The following NKAIN2 variants were observed in gnomAD, a reference collection of about 807,000 sequenced individuals.
NKAIN2 encodes sodium/potassium transporting ATPase interacting 2.
In NKAIN2, 14 loss-of-function variants were observed where a neutral mutation model predicts 32.6. The observed-to-expected ratio is 0.43, with a 90% CI of 0.28 to 0.67. The LOEUF (loss-of-function observed/expected upper bound fraction) is 0.67. Among genes scored for constraint, NKAIN2 ranks in the 30% least tolerant of loss-of-function variants. The pLI, the probability that NKAIN2 is intolerant of heterozygous loss-of-function variation, is 0.17. For synonymous variants in NKAIN2, 80 were observed against 87.2 expected (o/e 0.92, Z 0.46); for missense variants, 198 against 258.3 (o/e 0.77, Z 1.60).
At chr6:123,922,705 C>T (rs746821962) in intron 1 of NKAIN2, among the ~76,000 whole-genome samples, 2 of 152,092 alleles carry the variant, frequency 1.3e-5, no homozygotes, top group Non-Finnish European at 2.9e-5. Flanking sequence ...ACAAAGGAAT[C>T]TTGGTGTCTC....
At chr6:124,464,270 G>A (rs1776651502) in intron 3 of NKAIN2, among the ~76,000 whole-genome samples, 1 of 152,092 alleles carries the variant, frequency 6.6e-6, no homozygotes, top group Admixed American at 6.6e-5. Flanking sequence ...TTACATGTGT[G>A]AGCCTGGCCT....
intron 4 of NKAIN2, among the ~76,000 whole-genome samples, chr6:124,689,827 A>C (rs1323754669): frequency 1.3e-5 from 2 of 152,096 alleles, no homozygotes; most frequent in African/African-American, 4.8e-5. Flanking sequence ...TACTTATCTA[A>C]TCTTTCACTA....
chr6:124,512,629 A>G (rs780220902), intron 3 of NKAIN2, among the ~76,000 whole-genome samples: 2 of 152,170 alleles, frequency 1.3e-5, no homozygotes, highest in African/African-American at 2.4e-5. Flanking sequence ...CTGTTGCCAT[A>G]TGGTGTCCAT....
intron 3 of NKAIN2, among the ~76,000 whole-genome samples, chr6:124,470,270 A>G (rs533478906): frequency 6.6e-6 from 1 of 152,246 alleles, no homozygotes; most frequent in South Asian, 2.1e-4. Context: ...GAGCCTGGCC[A>G]GGCAGAGCTG....
chr6:123,868,012 G>C (rs567414135), intron 1 of NKAIN2, among the ~76,000 whole-genome samples: 30 of 151,138 alleles, frequency 2.0e-4, no homozygotes, highest in Middle Eastern at 3.6e-3. Flanking sequence ...GGGACTACAG[G>C]CGCACACCAC....
At chr6:123,822,365 AT>A (rs1162216509) in intron 1 of NKAIN2, among the ~76,000 whole-genome samples, 1 of 152,178 alleles carries the variant, frequency 6.6e-6, no homozygotes, top group Non-Finnish European at 1.5e-5. Context: ...TCTGGAGTTG[AT>A]AAGCCAGTTG....
rs1299063891 is a variant in NKAIN2 at position 124,809,179 on chromosome 6, A to G, written c.536-9208A>G. Among the ~76,000 whole-genome samples, 3 of 152,094 alleles carry G rather than the reference A, an allele frequency of 2.0e-5. No individual in the cohort carries two copies. In the South Asian group the frequency reaches 6.2e-4, roughly 32 times the overall value. ...AAAAAGAGCCTGCATCGCCAAGTCAATCCTAAGCCAAAAGAACAAAGCTGG... is the reference window on the plus strand; with the variant it reads ...AAAAAGAGCCTGCATCGCCAAGTCAGTCCTAAGCCAAAAGAACAAAGCTGG... On this transcript the variant is annotated intron_variant, in intron 5 of 6. Transcript: ENST00000368417.
At chr6:123,978,136 C>T (rs1258811740) in intron 1 of NKAIN2, among the ~76,000 whole-genome samples, 3 of 152,076 alleles carry the variant, frequency 2.0e-5, no homozygotes, top group East Asian at 3.9e-4. Context: ...GGAATTAAGG[C>T]ATTTTGTTTG....
intron 4 of NKAIN2, among the ~76,000 whole-genome samples, chr6:124,677,157 C>A (rs888568341): frequency 1.3e-5 from 2 of 152,046 alleles, no homozygotes; most frequent in Admixed American, 1.3e-4. Context: ...TTAGTAGTGA[C>A]AAGGTTTCAC....
intron 5 of NKAIN2, among the ~76,000 whole-genome samples, chr6:124,812,570 G>A (rs1341909013): frequency 6.6e-6 from 1 of 152,124 alleles, no homozygotes; most frequent in African/African-American, 2.4e-5. Context: ...AGCTGAGTGA[G>A]GAGAAAGAAA....
intron 1 of NKAIN2, among the ~76,000 whole-genome samples, chr6:124,057,723 A>C (rs1177677682): frequency 6.6e-6 from 1 of 151,894 alleles, no homozygotes; most frequent in Non-Finnish European, 1.5e-5. Flanking sequence ...AACCATGAAG[A>C]ATTGTGGCAG....
chr6:124,010,572 T>C (rs1036062514), intron 1 of NKAIN2, among the ~76,000 whole-genome samples: 2 of 150,886 alleles, frequency 1.3e-5, no homozygotes, highest in Admixed American at 6.7e-5. Flanking sequence ...GAGTGTGACC[T>C]GGGCTCAAAC....
chr6:124,747,018 AT>A (rs1192183448), intron 4 of NKAIN2, among the ~76,000 whole-genome samples: 2 of 151,972 alleles, frequency 1.3e-5, no homozygotes, highest in Non-Finnish European at 2.9e-5. Flanking sequence ...CCTAGTAGGT[AT>A]TTTTTTAAAA....
At chr6:124,198,045 G>A (rs1790407891) in intron 1 of NKAIN2, among the ~76,000 whole-genome samples, 1 of 151,836 alleles carries the variant, frequency 6.6e-6, no homozygotes, top group African/African-American at 2.4e-5. Context: ...CTGGGTTTGG[G>A]ATTTTTCATT....
intron 3 of NKAIN2, among the ~76,000 whole-genome samples, chr6:124,406,972 A>G (rs1039588786): frequency 6.6e-6 from 1 of 152,078 alleles, no homozygotes; most frequent in East Asian, 1.9e-4. Context: ...ATTCGATACA[A>G]TTGCCTTATC....
chr6:123,951,345 T>A (rs1256139440), intron 1 of NKAIN2, among the ~76,000 whole-genome samples: 1 of 152,032 alleles, frequency 6.6e-6, no homozygotes, highest in Non-Finnish European at 1.5e-5. Flanking sequence ...TATCTAATAC[T>A]AAGAGTGAAG....
chr6:124,770,009 G>A (rs1205524943), intron 4 of NKAIN2, among the ~76,000 whole-genome samples: 2 of 152,078 alleles, frequency 1.3e-5, no homozygotes, highest in Admixed American at 6.6e-5. Flanking sequence ...CTTGGTTTCA[G>A]GCAGGTAGTG....
At chr6:124,531,845 A>AT (rs1234123107) in intron 3 of NKAIN2, among the ~76,000 whole-genome samples, 1 of 151,976 alleles carries the variant, frequency 6.6e-6, no homozygotes, top group Non-Finnish European at 1.5e-5. Context: ...TAATTTTTGT[A>AT]TTTTTTGTAC....
chr6:124,068,746 TA>T (rs1393963138), intron 1 of NKAIN2, among the ~76,000 whole-genome samples: 3 of 150,302 alleles, frequency 2.0e-5, no homozygotes, highest in Non-Finnish European at 4.4e-5. Context: ...AAGGATAATT[TA>T]ATTATAAAAA....
Sources: gnomAD v4.1 joint callset for allele counts (sites outside exome capture counted in the v4.1 genomes callset) on GRCh38, gnomAD v4.1.1 for gene constraint, MANE v1.5 for transcripts, NCBI Gene and HGNC (gene_info 2026-07-23, HGNC 2026-07-21) for gene names.